CDKN2B-AS1: variants seen among roughly 807,000 people sequenced by gnomAD.
CDKN2B-AS1 encodes CDKN2B and CDKN2A antisense cis and trans regulatory RNA 1.
chr9:22,046,202 T>G (rs531956344), intron 1 of CDKN2B-AS1: 3 of 152,242 alleles, frequency 2.0e-5, no homozygotes, highest in East Asian at 3.9e-4. Flanking sequence ...TCAAGAAAAA[T>G]GCAGTGACTC....
chr9:22,084,151 G>A (rs1391686179), intron 4 of CDKN2B-AS1, among the ~76,000 whole-genome samples: 1 of 152,086 alleles, frequency 6.6e-6, no homozygotes, highest in African/African-American at 2.4e-5. Context: ...TTTAGATGAA[G>A]AGATTTAGGC....
chr9:22,025,863 A>G (rs188951544), intron 1 of CDKN2B-AS1, among the ~76,000 whole-genome samples: 193 of 152,298 alleles, frequency 1.3e-3, no homozygotes, highest in African/African-American at 4.5e-3. Context: ...GAGTTGTGCC[A>G]TACTGGGGGT....
At chr9:22,093,205 TC>T (rs1308072795) in intron 4 of CDKN2B-AS1, among the ~76,000 whole-genome samples, 1 of 145,788 alleles carries the variant, frequency 6.9e-6, no homozygotes, top group Non-Finnish European at 1.5e-5. Flanking sequence ...TAATTTCTGT[TC>T]TTTTACATTT....
chr9:22,015,978 G>T (rs1459866748), intron 1 of CDKN2B-AS1, among the ~76,000 whole-genome samples: 2 of 152,270 alleles, frequency 1.3e-5, no homozygotes, highest in South Asian at 4.1e-4. Flanking sequence ...TGAGTTCATT[G>T]TAGATTCTGG....
At chr9:22,090,099 T>C (rs1345345085) in intron 4 of CDKN2B-AS1, among the ~76,000 whole-genome samples, 1 of 151,974 alleles carries the variant, frequency 6.6e-6, no homozygotes, top group South Asian at 2.1e-4. Flanking sequence ...GTCCTTGTGA[T>C]AATTTGCTGA....
At chr9:22,113,946 G>A (rs1825869488) in intron 4 of CDKN2B-AS1, 1 of 152,040 alleles carries the variant, frequency 6.6e-6, no homozygotes. Context: ...ATGCCCCTAA[G>A]GCCAAATAAA....
At chr9:22,041,453 A>G (rs568300735) in intron 1 of CDKN2B-AS1, among the ~76,000 whole-genome samples, 2 of 152,194 alleles carry the variant, frequency 1.3e-5, no homozygotes, top group East Asian at 3.9e-4. Flanking sequence ...GTACCCAGAA[A>G]GTTTCTTGAC....
At chr9:22,032,072 C>G (rs776560892) in intron 1 of CDKN2B-AS1, among the ~76,000 whole-genome samples, 1 of 152,204 alleles carries the variant, frequency 6.6e-6, no homozygotes. Flanking sequence ...TTGGTAGACA[C>G]CTTGATTGCA....
At chr9:22,127,515 C>A in exon 5 of CDKN2B-AS1, among the ~76,000 whole-genome samples, 1 of 152,156 alleles carries the variant, frequency 6.6e-6, no homozygotes, top group East Asian at 1.9e-4. Flanking sequence ...CTTACAAGAG[C>A]TTTAACGAGG....
chr9:22,103,813 C>T (rs971011135), intron 4 of CDKN2B-AS1, among the ~76,000 whole-genome samples: 9 of 152,112 alleles, frequency 5.9e-5, no homozygotes, highest in Non-Finnish European at 8.8e-5. Flanking sequence ...CAAACACTAA[C>T]AGGCACATTG....
At chr9:22,008,831 G>A (rs1256028060) in intron 1 of CDKN2B-AS1, 4 of 1,608,348 alleles carry the variant, frequency 2.5e-6, no homozygotes, top group Non-Finnish European at 3.4e-6. Flanking sequence ...GGTTGACTCC[G>A]TTGGGATCCG....
intron 1 of CDKN2B-AS1, among the ~76,000 whole-genome samples, chr9:22,020,801 A>G (rs757177245): frequency 6.6e-6 from 1 of 152,196 alleles, no homozygotes; most frequent in Non-Finnish European, 1.5e-5. Context: ...CATAGTTTAA[A>G]GAAATGTTCT....
chr9:22,102,539 T>C (rs1401867074), intron 4 of CDKN2B-AS1, among the ~76,000 whole-genome samples: 2 of 152,178 alleles, frequency 1.3e-5, no homozygotes, highest in African/African-American at 4.8e-5. Context: ...TCCTTGCCTC[T>C]TCCACCTTCT....
intron 1 of CDKN2B-AS1, among the ~76,000 whole-genome samples, chr9:22,028,346 T>G (rs1822325503): frequency 6.6e-6 from 1 of 152,118 alleles, no homozygotes; most frequent in South Asian, 2.1e-4. Context: ...AATAAAAGTT[T>G]CAAAATACAG....
chr9:21,995,014 T>G (rs1563904057), upstream of CDKN2B-AS1: 1 of 152,236 alleles, frequency 6.6e-6, no homozygotes, highest in Non-Finnish European at 1.5e-5. The surrounding 1 kb of genome is among the most constrained non-coding windows in gnomAD (Gnocchi z 5.7). Flanking sequence ...TGAATGTCAG[T>G]TTTGAACTAA....
Position 22,000,288 on chromosome 9 carries a change from A to G in CDKN2B-AS1, n.29+5127A>G, listed in dbSNP as rs370719062. 2.6e-5 allele frequency among the ~76,000 whole-genome samples: 4 copies of G among 152,328 alleles called. 1 individual carries two copies. Among genetic ancestry groups the G allele is most frequent in the African/African-American group, 9.6e-5 (4 of 41,592 alleles). ...TGAGGCAAACACCATTCTTATAGAC[A>G]TAAGACATACTTGGGAGCAAATGTA... On this transcript the variant is annotated intron_variant and non_coding_transcript_variant, in intron 1 of 4. Coordinates refer to ENST00000650946, the Ensembl canonical transcript of CDKN2B-AS1. The surrounding 1 kb of genome is among the most constrained non-coding windows in gnomAD (Gnocchi z 4.1).
chr9:22,018,439 C>T (rs983646895), intron 1 of CDKN2B-AS1, among the ~76,000 whole-genome samples: 1 of 152,098 alleles, frequency 6.6e-6, no homozygotes, highest in African/African-American at 2.4e-5. Flanking sequence ...GGGTGGATCA[C>T]CTGAGGTCAG....
chr9:22,015,371 A>C (rs1394292146), intron 1 of CDKN2B-AS1, among the ~76,000 whole-genome samples: 1 of 152,086 alleles, frequency 6.6e-6, no homozygotes, highest in Non-Finnish European at 1.5e-5. Flanking sequence ...TGTCTTGATT[A>C]AGGTAGCTTT....
chr9:22,115,473 A>G (rs1825924331), intron 4 of CDKN2B-AS1, among the ~76,000 whole-genome samples: 1 of 152,206 alleles, frequency 6.6e-6, no homozygotes, highest in East Asian at 1.9e-4. Context: ...ATGGAAAGAA[A>G]GACAGCAGGG....
Sources: allele counts gnomAD v4.1 joint callset (sites outside exome capture counted in the v4.1 genomes callset), GRCh38; gene constraint gnomAD v4.1.1; non-coding constraint Gnocchi (gnomAD v3.1); transcripts MANE v1.5; gene names NCBI Gene and HGNC (gene_info 2026-07-23, HGNC 2026-07-21).